Variants in IFT74 observed in about 807,000 individuals in gnomAD.
IFT74 encodes intraflagellar transport 74.
Under a neutral mutation model 96.7 loss-of-function variants are expected in IFT74, and 92 were observed. The ratio of observed to expected loss-of-function variants is 0.95; its 90% confidence interval spans 0.80 to 1.13. IFT74 has a LOEUF of 1.13. Ranked by LOEUF, IFT74 falls within the 50% of genes most tolerant of loss-of-function variation. IFT74 has a pLI of 0.00. For missense variants in IFT74, 811 were observed against 698.2 expected (o/e 1.16, Z -1.82); for synonymous variants, 223 against 213.2 (o/e 1.05, Z -0.40).
intron 7 of IFT74, among the ~76,000 whole-genome samples, chr9:26,989,582 G>C (rs1347745814): frequency 6.6e-6 from 1 of 152,090 alleles, no homozygotes; most frequent in Non-Finnish European, 1.5e-5. Flanking sequence ...CTCAAACCAT[G>C]ATAATTTAGT....
At chr9:27,024,635 A>G (rs1287740123) in intron 12 of IFT74, among the ~76,000 whole-genome samples, 2 of 152,188 alleles carry the variant, frequency 1.3e-5, no homozygotes, top group Non-Finnish European at 2.9e-5. Context: ...AGATCACACT[A>G]GTACCAGCAG....
At chr9:27,012,131 T>C (rs1318060690) in intron 10 of IFT74, among the ~76,000 whole-genome samples, 163 bp downstream of exon 10, 2 of 152,208 alleles carry the variant, frequency 1.3e-5, no homozygotes, top group South Asian at 2.1e-4. Context: ...GATCCTAGTA[T>C]GGTAAGAAAT....
At chr9:27,048,109 A>C in intron 15 of IFT74, 39 bp from the exon 16 acceptor site, 1 of 1,452,550 alleles carries the variant, frequency 6.9e-7, no homozygotes, top group Non-Finnish European at 9.4e-7. Flanking sequence ...TAACTAAATC[A>C]GTGGATTTTT....
chr9:27,007,638 G>A (rs1828860130), intron 8 of IFT74, among the ~76,000 whole-genome samples: 1 of 152,138 alleles, frequency 6.6e-6, no homozygotes. Context: ...TTTTGGTAGG[G>A]AAATTTCTGA....
chr9:26,958,233 A>G (rs1026049167), intron 1 of IFT74, among the ~76,000 whole-genome samples: 1 of 152,240 alleles, frequency 6.6e-6, no homozygotes, highest in Non-Finnish European at 1.5e-5. Context: ...ACTTAAGCAG[A>G]TCATTTCAAG....
At chr9:27,033,450 G>T (rs1830216833) in intron 13 of IFT74, among the ~76,000 whole-genome samples, 1 of 151,818 alleles carries the variant, frequency 6.6e-6, no homozygotes, top group African/African-American at 2.4e-5. Flanking sequence ...TGTAGTCCCA[G>T]CTATTTGCTA....
At chr9:27,036,584 G>T (rs1819208280) in intron 13 of IFT74, 1 of 1,581,018 alleles carries the variant, frequency 6.3e-7, no homozygotes, top group Non-Finnish European at 8.6e-7. Flanking sequence ...GCCTCCCATT[G>T]TTTCACAGAT....
At chr9:27,005,870 C>T (rs564374153) in intron 8 of IFT74, among the ~76,000 whole-genome samples, 8 of 152,016 alleles carry the variant, frequency 5.3e-5, no homozygotes, top group Middle Eastern at 3.4e-3. Flanking sequence ...GATGAAGTCT[C>T]GCTCTGTCAT....
Position 27,029,008 on chromosome 9 carries a change from A to G in IFT74, c.975-17A>G. On this transcript the variant is annotated splice_polypyrimidine_tract_variant and intron_variant, in intron 12 of 19. Transcript: ENST00000380062. Reference sequence around the variant, plus strand: ...TCTATATTTCCTTCATAAATTCATTAAAAATATTTTCAACAGGTTAACAGA... The same window carrying G: ...TCTATATTTCCTTCATAAATTCATTGAAAATATTTTCAACAGGTTAACAGA... 1 of 1,560,244 alleles carries G rather than the reference A, an allele frequency of 6.4e-7. No homozygotes were observed. The highest frequency in any genetic ancestry group is 8.7e-7 in the Non-Finnish European group (1 of 1,147,636).
In IFT74 at chr9:26,947,746, T is replaced by G. The variant is rs115273985; in HGVS notation, c.-20+600T>G. ...CATTGAACTATTCCTCCGTTTCAAG[T>G]TATCTGAATCTCCTACTCTCTGTTG... On this transcript the variant is annotated intron_variant, in intron 1 of 19. Coordinates refer to the IFT74 transcript ENST00000433700. Among the ~76,000 whole-genome samples the G allele has an allele frequency of 3.3e-3, 507 of 152,308 alleles. 3 individuals are homozygous for G. Among genetic ancestry groups the G allele is most frequent in the African/African-American group, 0.012 (486 of 41,560 alleles).
Position 27,016,395 on chromosome 9 carries a change from C to T in IFT74, c.790-512C>T, listed in dbSNP as rs183788458. On this transcript the variant is annotated intron_variant, in intron 10 of 19. Coordinates refer to ENST00000380062, the MANE Select transcript of IFT74 (RefSeq NM_025103.4). ...CCATATCTTAACTTGACTAAATATG[C>T]AAAGAGCTTATTTCCAAATAAAGGT... 1.2e-3 allele frequency among the ~76,000 whole-genome samples: 189 copies of T among 152,234 alleles called. 3 individuals are homozygous for T. The highest frequency in any genetic ancestry group is 9.9e-3 in the Admixed American group (152 of 15,288).
chr9:26,996,754 T>C (rs914907149), intron 8 of IFT74, among the ~76,000 whole-genome samples: 1 of 152,136 alleles, frequency 6.6e-6, no homozygotes, highest in African/African-American at 2.4e-5. Flanking sequence ...ATTAATATTG[T>C]GGTTACATGG....
intron 13 of IFT74, among the ~76,000 whole-genome samples, chr9:27,041,792 T>C (rs1424878397): frequency 6.6e-6 from 1 of 152,176 alleles, no homozygotes; most frequent in South Asian, 2.1e-4. Context: ...CAGATACTAA[T>C]CCTCCACTGA....
At chr9:26,980,910 C>A (rs900926299) in intron 4 of IFT74, among the ~76,000 whole-genome samples, 1 of 152,106 alleles carries the variant, frequency 6.6e-6, no homozygotes, top group African/African-American at 2.4e-5. Flanking sequence ...TAATAAAATA[C>A]CTGAGATTGG....
At chr9:27,044,904 A>C in intron 14 of IFT74, 109 bp downstream of exon 14, 1 of 595,812 alleles carries the variant, frequency 1.7e-6, no homozygotes, top group Non-Finnish European at 2.9e-6. Flanking sequence ...ATAAATGCAG[A>C]AGTGTGGACA....
chr9:27,039,979 A>T (rs1420477421), intron 13 of IFT74, among the ~76,000 whole-genome samples: 1 of 152,226 alleles, frequency 6.6e-6, no homozygotes, highest in Non-Finnish European at 1.5e-5. Context: ...TAAAATTGAA[A>T]TAGGAGTCAG....
intron 1 of IFT74, chr9:26,947,468 A>T (rs952514588): frequency 6.1e-6 from 1 of 163,444 alleles, no homozygotes. Flanking sequence ...TTTGTGGTAA[A>T]TCGGGAAGCG....
chr9:27,052,040 TA>T (rs1819942227), intron 16 of IFT74, among the ~76,000 whole-genome samples: 1 of 152,258 alleles, frequency 6.6e-6, no homozygotes, highest in African/African-American at 2.4e-5. Flanking sequence ...TTCATTTATC[TA>T]AAGTCAATGT....
chr9:27,061,230 A>T (rs1178891015), intron 19 of IFT74, among the ~76,000 whole-genome samples: 1 of 152,130 alleles, frequency 6.6e-6, no homozygotes, highest in African/African-American at 2.4e-5. Flanking sequence ...CCAAAAAAGG[A>T]GTACAAAGAC....
Sources: gnomAD v4.1 joint callset for allele counts (sites outside exome capture counted in the v4.1 genomes callset) on GRCh38, gnomAD v4.1.1 for gene constraint, MANE v1.5 for transcripts, NCBI Gene and HGNC (gene_info 2026-07-23, HGNC 2026-07-21) for gene names.